LDLRAD3: variants seen among roughly 807,000 people sequenced by gnomAD.
The protein encoded by LDLRAD3 is low density lipoprotein receptor class A domain containing 3.
Under a neutral mutation model 29.4 loss-of-function variants are expected in LDLRAD3, and 20 were observed. The observed-to-expected ratio is 0.68, with a 90% CI of 0.48 to 0.99. LDLRAD3 has a LOEUF of 0.99. LDLRAD3 is among the 50% of genes least tolerant of loss of function. The pLI, the probability that LDLRAD3 is intolerant of heterozygous loss-of-function variation, is 0.00. For synonymous variants in LDLRAD3, 157 were observed against 192.7 expected, an observed-to-expected ratio of 0.81 and a Z score of 1.53; for missense variants, 420 against 454.3, an observed-to-expected ratio of 0.92 and a Z score of 0.69.
chr11:36,113,842 T>G (rs1186866315), intron 4 of LDLRAD3, among the ~76,000 whole-genome samples: 1 of 151,974 alleles, frequency 6.6e-6, no homozygotes, highest in Non-Finnish European at 1.5e-5. Context: ...CCCAGCTAAT[T>G]TTTGTATTTT....
At chr11:36,040,729 T>G (rs1852370136) in intron 2 of LDLRAD3, among the ~76,000 whole-genome samples, 3 of 152,120 alleles carry the variant, frequency 2.0e-5, no homozygotes, top group Admixed American at 2.0e-4. Flanking sequence ...GGAAGGCGCC[T>G]TTTCTGGCTC....
At chr11:36,061,688 AG>A (rs1852702958) in intron 2 of LDLRAD3, among the ~76,000 whole-genome samples, 1 of 152,228 alleles carries the variant, frequency 6.6e-6, no homozygotes, top group South Asian at 2.1e-4. Context: ...AGGTTTAGTA[AG>A]TAGAAAAGAC....
chr11:36,125,178 G>C (rs1258504265), intron 4 of LDLRAD3, among the ~76,000 whole-genome samples: 3 of 152,116 alleles, frequency 2.0e-5, no homozygotes, highest in Admixed American at 6.5e-5. Flanking sequence ...TCTGATCTGT[G>C]CATTCCATGT....
intron 3 of LDLRAD3, among the ~76,000 whole-genome samples, chr11:36,098,084 A>G (rs1853389592): frequency 6.6e-6 from 1 of 152,244 alleles, no homozygotes; most frequent in Admixed American, 6.5e-5. Flanking sequence ...GTTATTAAGC[A>G]GACTTACTTA....
intron 4 of LDLRAD3, among the ~76,000 whole-genome samples, chr11:36,171,147 G>GT (rs1340999640): frequency 6.6e-6 from 1 of 152,172 alleles, no homozygotes; most frequent in African/African-American, 2.4e-5. Flanking sequence ...GAGATTATTT[G>GT]TTTTTTTCTT....
At chr11:36,002,086 C>G (rs1851832266) in intron 1 of LDLRAD3, among the ~76,000 whole-genome samples, 1 of 152,164 alleles carries the variant, frequency 6.6e-6, no homozygotes, top group Non-Finnish European at 1.5e-5. Flanking sequence ...TTTCGCATTT[C>G]TTCTAAACCA....
At chr11:36,214,337 C>T (rs577792206) in intron 4 of LDLRAD3, among the ~76,000 whole-genome samples, 1 of 152,290 alleles carries the variant, frequency 6.6e-6, no homozygotes, top group East Asian at 1.9e-4. Context: ...GTGACTATGT[C>T]AAGGCACCAT....
intron 4 of LDLRAD3, among the ~76,000 whole-genome samples, chr11:36,191,071 GAA>G (rs1287149436): frequency 1.3e-5 from 2 of 152,130 alleles, no homozygotes; most frequent in Non-Finnish European, 2.9e-5. Context: ...CCAAGAAAAA[GAA>G]AGACACAGGA....
intron 4 of LDLRAD3, among the ~76,000 whole-genome samples, chr11:36,126,771 T>C (rs1433474095): frequency 6.6e-6 from 1 of 152,196 alleles, no homozygotes; most frequent in African/African-American, 2.4e-5. Flanking sequence ...CTTTTTAATT[T>C]CTGTTGAAAG....
At chr11:35,996,919 C>T (rs1336088764) in intron 1 of LDLRAD3, among the ~76,000 whole-genome samples, 1 of 152,172 alleles carries the variant, frequency 6.6e-6, no homozygotes, top group East Asian at 1.9e-4. Context: ...CAAGTCTGGA[C>T]TCCTCCATGC....
intron 4 of LDLRAD3, among the ~76,000 whole-genome samples, chr11:36,208,745 T>C (rs1855244146): frequency 7.0e-6 from 1 of 143,240 alleles, no homozygotes; most frequent in African/African-American, 2.7e-5. Context: ...ATTATTGAAA[T>C]GTAGAAGGAA....
At chr11:36,130,966 C>A (rs551744429) in intron 4 of LDLRAD3, among the ~76,000 whole-genome samples, 1 of 152,320 alleles carries the variant, frequency 6.6e-6, no homozygotes, top group South Asian at 2.1e-4. Flanking sequence ...TGGCCAGAAG[C>A]CTCTACCTGG....
At chr11:36,097,840 G>GAA (rs144712584) in intron 3 of LDLRAD3, among the ~76,000 whole-genome samples, 2 of 150,974 alleles carry the variant, frequency 1.3e-5, no homozygotes, top group African/African-American at 4.9e-5. Flanking sequence ...AACAAAAATG[G>GAA]AAAAAAAAAT....
intron 4 of LDLRAD3, among the ~76,000 whole-genome samples, chr11:36,167,128 T>A (rs918729598): frequency 7.2e-5 from 11 of 152,142 alleles, no homozygotes; most frequent in Admixed American, 2.0e-4. Flanking sequence ...GGCTAGCTAG[T>A]CCAAAATCTG....
intron 1 of LDLRAD3, among the ~76,000 whole-genome samples, chr11:36,000,513 A>G (rs1030212586): frequency 1.3e-5 from 2 of 152,132 alleles, no homozygotes; most frequent in Non-Finnish European, 2.9e-5. Context: ...ATAGGAAATG[A>G]TGGCAGAATA....
chr11:36,061,578 A>G (rs1233906398), intron 2 of LDLRAD3, among the ~76,000 whole-genome samples: 2 of 152,200 alleles, frequency 1.3e-5, no homozygotes, highest in Non-Finnish European at 2.9e-5. Context: ...GGGGAGCTCC[A>G]TTACAAAAAC....
chr11:36,189,585 T>G (rs1049090918), intron 4 of LDLRAD3, among the ~76,000 whole-genome samples: 2 of 150,692 alleles, frequency 1.3e-5, no homozygotes, highest in Non-Finnish European at 3.0e-5. Context: ...ACTTTTTTTT[T>G]ATTATTATTA....
intron 4 of LDLRAD3, among the ~76,000 whole-genome samples, chr11:36,147,526 G>A (rs11823361): frequency 0.5 from 75,510 of 152,010 alleles, 19,748 homozygotes; most frequent in African/African-American, 0.65. Flanking sequence ...CAGAGACCCC[G>A]TTTTCCAAAT....
At chr11:36,199,628 A>T (rs760631776) in intron 4 of LDLRAD3, among the ~76,000 whole-genome samples, 3 of 151,526 alleles carry the variant, frequency 2.0e-5, no homozygotes, top group Non-Finnish European at 4.4e-5. Flanking sequence ...GGCTCATTCC[A>T]GGTGGATTGA....
Sources: allele counts gnomAD v4.1 joint callset (sites outside exome capture counted in the v4.1 genomes callset), GRCh38; gene constraint gnomAD v4.1.1; transcripts MANE v1.5; gene names NCBI Gene and HGNC (gene_info 2026-07-23, HGNC 2026-07-21).